CACNB2: variants seen among roughly 807,000 people sequenced by gnomAD.
CACNB2 encodes calcium voltage-gated channel auxiliary subunit beta 2.
Under a neutral mutation model 73.3 loss-of-function variants are expected in CACNB2, and 42 were observed. The observed-to-expected ratio is 0.57, with a 90% confidence interval of 0.45 to 0.74. The LOEUF (loss-of-function observed/expected upper bound fraction) is 0.74, where lower values mean the gene tolerates loss of function less well. CACNB2 is among the 30% of genes least tolerant of loss of function. The pLI is 0.00. For missense variants in CACNB2, 940 were observed against 853.0 expected (o/e 1.10, Z -1.27); for synonymous variants, 348 against 310.3 (o/e 1.12, Z -1.28).
intron 2 of CACNB2, among the ~76,000 whole-genome samples, chr10:18,183,415 C>A (rs2033988763): frequency 6.6e-6 from 1 of 152,136 alleles, no homozygotes; most frequent in African/African-American, 2.4e-5. Context: ...CATCCTCACA[C>A]TGCAAATAAA....
chr10:18,498,939 G>A (rs529307630), intron 4 of CACNB2: 1 of 179,268 alleles, frequency 5.6e-6, no homozygotes, highest in South Asian at 1.2e-4. Context: ...AATTTCTGCA[G>A]TGGGTGAGAG....
intron 2 of CACNB2, among the ~76,000 whole-genome samples, chr10:18,316,723 G>T (rs1209404532): frequency 6.6e-6 from 1 of 152,092 alleles, no homozygotes; most frequent in Non-Finnish European, 1.5e-5. Context: ...CAGCTTCCCA[G>T]GGTGCTGGAA....
At chr10:18,514,750 G>A (rs1431413491) in intron 7 of CACNB2, among the ~76,000 whole-genome samples, 3 of 152,074 alleles carry the variant, frequency 2.0e-5, no homozygotes, top group African/African-American at 7.2e-5. Flanking sequence ...TACCACCAAG[G>A]GAATTTGTTT....
chr10:18,396,610 A>C (rs2043726091), intron 2 of CACNB2, among the ~76,000 whole-genome samples: 1 of 152,048 alleles, frequency 6.6e-6, no homozygotes, highest in African/African-American at 2.4e-5. Context: ...AGCTGGGATT[A>C]TATGCATGTG....
At chr10:18,479,704 G>A (rs1006844880) in intron 3 of CACNB2, among the ~76,000 whole-genome samples, 2 of 151,694 alleles carry the variant, frequency 1.3e-5, no homozygotes, top group Admixed American at 6.6e-5. Context: ...TCTCTCGCTC[G>A]CTCGCTCTCT....
At chr10:18,239,130 CAA>C (rs945108536) in intron 2 of CACNB2, among the ~76,000 whole-genome samples, 1 of 152,248 alleles carries the variant, frequency 6.6e-6, no homozygotes, top group East Asian at 1.9e-4. Context: ...AAGTGTTGAA[CAA>C]AAGACTCCTT....
At chr10:18,305,509 C>T (rs905367637) in intron 2 of CACNB2, among the ~76,000 whole-genome samples, 4 of 152,160 alleles carry the variant, frequency 2.6e-5, no homozygotes, top group Admixed American at 6.5e-5. Context: ...CTGCAATGAA[C>T]GTATCTTTTG....
At chr10:18,385,125 CA>C (rs1383478469) in intron 2 of CACNB2, among the ~76,000 whole-genome samples, 1 of 151,438 alleles carries the variant, frequency 6.6e-6, no homozygotes, top group African/African-American at 2.4e-5. Flanking sequence ...ACTAAAAATA[CA>C]AAAAAAATTA....
At chr10:18,422,906 CAAGCTGGTCTCA>C (rs1462078820) in intron 3 of CACNB2, among the ~76,000 whole-genome samples, 3 of 152,212 alleles carry the variant, frequency 2.0e-5, no homozygotes, top group Non-Finnish European at 2.9e-5. Context: ...CTATGTTGGT[CAAGCTGGTCTCA>C]AACTCCTGAC....
chr10:18,141,358 G>T lies in CACNB2; in HGVS notation c.120+502G>T, dbSNP rs1304394238. The T allele has an allele frequency of 2.7e-5, 21 of 779,532 alleles. No homozygotes were observed. In the East Asian group the frequency reaches 4.8e-4, roughly 18 times the overall value. 48.3% of individuals were successfully genotyped at this position (779,532 alleles called of 1,614,324 possible). A position where few individuals can be genotyped will look rare whatever the true frequency, so the allele number is the denominator to read the frequency against. On this transcript the variant is annotated intron_variant, in intron 1 of 13. Coordinates refer to ENST00000324631, the MANE Select transcript of CACNB2 (RefSeq NM_201596.3). Reference sequence around the variant, plus strand: ...GGGCAGGAGGGGAGCGAATATGGGGGTGCCCTGCCGGATCCCCCCAGAGCT... The same window carrying T: ...GGGCAGGAGGGGAGCGAATATGGGGTTGCCCTGCCGGATCCCCCCAGAGCT...
At chr10:18,174,050 G>C (rs1291427849) in intron 2 of CACNB2, among the ~76,000 whole-genome samples, 1 of 152,104 alleles carries the variant, frequency 6.6e-6, no homozygotes, top group Non-Finnish European at 1.5e-5. Context: ...AATAGAAACA[G>C]ACTGTTCTCT....
At chr10:18,454,110 C>A (rs2047150132) in intron 3 of CACNB2, among the ~76,000 whole-genome samples, 1 of 152,046 alleles carries the variant, frequency 6.6e-6, no homozygotes, top group Admixed American at 6.6e-5. Flanking sequence ...GTAAACAGGA[C>A]AGTGAGGGGT....
At chr10:18,491,819 TAAAAAA>T (rs68179779) in intron 3 of CACNB2, among the ~76,000 whole-genome samples, 8 of 65,594 alleles carry the variant, frequency 1.2e-4, no homozygotes, top group African/African-American at 3.0e-4. Context: ...TCAAGTTGGT[TAAAAAA>T]AAAAAAAAAA....
intron 3 of CACNB2, among the ~76,000 whole-genome samples, chr10:18,488,413 T>A (rs2049190438): frequency 7.1e-6 from 1 of 140,350 alleles, no homozygotes; most frequent in Non-Finnish European, 1.5e-5. Context: ...AGGCGGAGCT[T>A]GCAGTGAGCC....
chr10:18,179,561 A>T (rs1272151203), intron 2 of CACNB2, among the ~76,000 whole-genome samples: 2 of 151,812 alleles, frequency 1.3e-5, no homozygotes, highest in Non-Finnish European at 2.9e-5. Context: ...TTTTCATTAA[A>T]TTTTTTAGGA....
At chr10:18,259,380 A>G (rs1468602860) in intron 2 of CACNB2, among the ~76,000 whole-genome samples, 1 of 151,672 alleles carries the variant, frequency 6.6e-6, no homozygotes, top group Non-Finnish European at 1.5e-5. Flanking sequence ...AGCCTGGGCA[A>G]CAAAGTGAGA....
At chr10:18,401,857 G>T in intron 2 of CACNB2, 67 bp from the exon 3 acceptor site, 2 of 1,536,344 alleles carry the variant, frequency 1.3e-6, no homozygotes, top group South Asian at 1.1e-5. Flanking sequence ...CTGCTGTGTC[G>T]ATGAGACTTT....
At chr10:18,487,963 T>C (rs569979318) in intron 3 of CACNB2, among the ~76,000 whole-genome samples, 1 of 151,670 alleles carries the variant, frequency 6.6e-6, no homozygotes, top group East Asian at 2.0e-4. Context: ...ACAGAGGGAA[T>C]AAAAAGTCAT....
intron 3 of CACNB2, among the ~76,000 whole-genome samples, chr10:18,431,180 G>A (rs34195643): frequency 0.14 from 21,146 of 152,014 alleles, 1,979 homozygotes; most frequent in African/African-American, 0.27. Flanking sequence ...ATGGGGTCTC[G>A]GTGTGTTGCA....
Sources: gnomAD v4.1 joint callset for allele counts (sites outside exome capture counted in the v4.1 genomes callset) on GRCh38, gnomAD v4.1.1 for gene constraint, MANE v1.5 for transcripts, NCBI Gene and HGNC (gene_info 2026-07-23, HGNC 2026-07-21) for gene names.